NAALADL2: variants seen among roughly 807,000 people sequenced by gnomAD.
The protein encoded by NAALADL2 is inactive N-acetylated-alpha-linked acidic dipeptidase-like protein 2.
In NAALADL2, 76 loss-of-function variants were observed where a neutral mutation model predicts 87.2. The ratio of observed to expected loss-of-function variants is 0.87; its 90% CI spans 0.72 to 1.05. The LOEUF (loss-of-function observed/expected upper bound fraction) is 1.05. Among genes scored for constraint, NAALADL2 ranks in the 50% least tolerant of loss-of-function variants. NAALADL2 has a pLI of 0.00. For synonymous variants in NAALADL2, 354 were observed against 331.0 expected, an observed-to-expected ratio of 1.07 and a Z score of -0.75; for missense variants, 1,089 against 945.8, an observed-to-expected ratio of 1.15 and a Z score of -1.99.
At chr3:175,493,760 G>A (rs1560646883) in intron 9 of NAALADL2, among the ~76,000 whole-genome samples, 1 of 152,128 alleles carries the variant, frequency 6.6e-6, no homozygotes. Context: ...GCTAGTACAA[G>A]TATTGTCATT....
At chr3:174,708,414 TAATG>T (rs1441078516) in intron 2 of NAALADL2, among the ~76,000 whole-genome samples, 3 of 152,192 alleles carry the variant, frequency 2.0e-5, no homozygotes, top group African/African-American at 7.2e-5. Context: ...ACTAAGGAAT[TAATG>T]AGTGATATAT....
At chr3:174,526,131 G>A (rs937786941) in intron 1 of NAALADL2, among the ~76,000 whole-genome samples, 1 of 152,090 alleles carries the variant, frequency 6.6e-6, no homozygotes, top group African/African-American at 2.4e-5. Context: ...AAATTTTCAG[G>A]TGCTTCTCCC....
At chr3:175,385,765 A>C (rs1768306837) in intron 5 of NAALADL2, among the ~76,000 whole-genome samples, 2 of 152,180 alleles carry the variant, frequency 1.3e-5, no homozygotes, top group African/African-American at 2.4e-5. Context: ...TCAATGAAAA[A>C]CAAACAAATA....
chr3:175,574,373 A>G (rs1252886144), intron 9 of NAALADL2, among the ~76,000 whole-genome samples: 1 of 152,170 alleles, frequency 6.6e-6, no homozygotes, highest in East Asian at 1.9e-4. Flanking sequence ...TGTTTATGCA[A>G]ATGAAGGATT....
chr3:174,969,661 A>G (rs2108599683), intron 1 of NAALADL2, among the ~76,000 whole-genome samples: 1 of 152,304 alleles, frequency 6.6e-6, no homozygotes, highest in African/African-American at 2.4e-5. Flanking sequence ...TACGGAGGCC[A>G]TGATAATGTA....
At chr3:175,605,035 C>T (rs1187699890) in intron 10 of NAALADL2, among the ~76,000 whole-genome samples, 1 of 152,150 alleles carries the variant, frequency 6.6e-6, no homozygotes, top group Non-Finnish European at 1.5e-5. Context: ...ATTCCCAAAT[C>T]ATAAAAATTG....
chr3:175,184,770 C>G (rs1034520382), intron 2 of NAALADL2, among the ~76,000 whole-genome samples: 4 of 151,358 alleles, frequency 2.6e-5, no homozygotes, highest in African/African-American at 9.7e-5. Context: ...TAGCTATATT[C>G]CCTTAGGCAA....
At chr3:174,955,623 T>A (rs2108529692) in intron 1 of NAALADL2, among the ~76,000 whole-genome samples, 1 of 152,178 alleles carries the variant, frequency 6.6e-6, no homozygotes, top group South Asian at 2.1e-4. Flanking sequence ...AGACAAAGGA[T>A]TAAATAGTAT....
chr3:175,360,135 A>G (rs1764821414), intron 5 of NAALADL2, among the ~76,000 whole-genome samples: 1 of 152,126 alleles, frequency 6.6e-6, no homozygotes, highest in South Asian at 2.1e-4. Context: ...ACAAATCAGT[A>G]TTTAGTGTTA....
At chr3:175,548,676 C>T (rs1290141643) in intron 9 of NAALADL2, among the ~76,000 whole-genome samples, 2 of 151,980 alleles carry the variant, frequency 1.3e-5, no homozygotes, top group Non-Finnish European at 2.9e-5. Flanking sequence ...GCCTTTATCC[C>T]TATGAAAGAC....
intron 2 of NAALADL2, among the ~76,000 whole-genome samples, chr3:174,678,092 TAGTG>T (rs1202851351): frequency 6.6e-6 from 1 of 152,116 alleles, no homozygotes; most frequent in African/African-American, 2.4e-5. Flanking sequence ...CAAAAAATTT[TAGTG>T]AGTAGGCAAA....
intron 9 of NAALADL2, among the ~76,000 whole-genome samples, chr3:175,520,530 C>A (rs964335987): frequency 1.3e-5 from 2 of 151,674 alleles, no homozygotes; most frequent in East Asian, 3.9e-4. Context: ...GATCTCCTGA[C>A]CTCATGATCC....
intron 5 of NAALADL2, among the ~76,000 whole-genome samples, chr3:175,420,023 G>A (rs1407388498): frequency 4.6e-5 from 7 of 151,806 alleles, no homozygotes; most frequent in Non-Finnish European, 5.9e-5. Flanking sequence ...AGACATCGTT[G>A]GCCTCAGTCT....
At chr3:175,154,894 CCT>C (rs1184053380) in intron 2 of NAALADL2, among the ~76,000 whole-genome samples, 1 of 152,038 alleles carries the variant, frequency 6.6e-6, no homozygotes, top group African/African-American at 2.4e-5. Context: ...ACTCCATACC[CCT>C]GTTATTTTAA....
At chr3:175,607,441 A>G (rs990971100) in intron 10 of NAALADL2, among the ~76,000 whole-genome samples, 5 of 152,172 alleles carry the variant, frequency 3.3e-5, no homozygotes, top group African/African-American at 1.2e-4. Context: ...ATAATTTGAG[A>G]CAGAATCACA....
At chr3:174,825,887 C>T (rs1025935359) in intron 3 of NAALADL2, among the ~76,000 whole-genome samples, 29 of 152,106 alleles carry the variant, frequency 1.9e-4, no homozygotes, top group African/African-American at 6.0e-4. Context: ...ATTAGGCGGG[C>T]GTGGTGGCGG....
At chr3:174,561,200 CCT>C (rs1491401113) in intron 2 of NAALADL2, among the ~76,000 whole-genome samples, 251 of 118,554 alleles carry the variant, frequency 2.1e-3, no homozygotes, top group Non-Finnish European at 3.2e-3. Context: ...TAATAGGATT[CCT>C]TTTTTTTTTT....
chr3:175,636,907 T>C (rs186611424), intron 11 of NAALADL2, among the ~76,000 whole-genome samples: 11 of 152,302 alleles, frequency 7.2e-5, no homozygotes, highest in Non-Finnish European at 1.2e-4. Flanking sequence ...TAAGGGTTAA[T>C]ATTCTTGTCA....
At chr3:174,944,989 C>A (rs183539753) in intron 1 of NAALADL2, among the ~76,000 whole-genome samples, 2 of 152,212 alleles carry the variant, frequency 1.3e-5, no homozygotes, top group East Asian at 1.9e-4. Context: ...TATTTACTTG[C>A]CCCTTCAGTT....
Sources: gnomAD v4.1 joint callset for allele counts (sites outside exome capture counted in the v4.1 genomes callset) on GRCh38, gnomAD v4.1.1 for gene constraint, MANE v1.5 for transcripts, NCBI Gene and HGNC (gene_info 2026-07-23, HGNC 2026-07-21) for gene names.